Variants in SIAH1 observed in about 807,000 individuals in gnomAD.
SIAH1 encodes E3 ubiquitin-protein ligase SIAH1.
Under a neutral mutation model 20.0 loss-of-function variants are expected in SIAH1, and 2 were observed. The observed-to-expected ratio is 0.10, with a 90% CI of 0.04 to 0.31. SIAH1 has a LOEUF of 0.31. Among genes scored for constraint, SIAH1 ranks in the 10% least tolerant of loss-of-function variants. SIAH1 has a pLI of 1.00. For synonymous variants in SIAH1, 118 were observed against 125.3 expected (o/e 0.94, Z 0.39); for missense variants, 119 against 355.3 (o/e 0.33, Z 5.35).
Position 48,361,016 on chromosome 16 carries a change from A to G in SIAH1, c.*564T>C, listed in dbSNP as rs1960562601. 1 of 152,422 alleles carries G rather than the reference A, an allele frequency of 6.6e-6. No individual in the cohort carries two copies. The allele number at this position is 152,422 out of a possible 1,614,324, so 9.4% of individuals were successfully genotyped here. On this transcript the variant is annotated 3_prime_UTR_variant, in exon 2 of 2. Transcript: ENST00000394725. ...ACAAATATGCATATCAAAAGATACT[A>G]ACTTTAAAATGGTACAAAAAAAGGA...
At chr16:48,383,631 C>T (rs953277789) in intron 1 of SIAH1, among the ~76,000 whole-genome samples, 1 of 152,142 alleles carries the variant, frequency 6.6e-6, no homozygotes, top group African/African-American at 2.4e-5. Context: ...TAAGAGAAGA[C>T]CTCATTTTAA....
intron 1 of SIAH1, among the ~76,000 whole-genome samples, chr16:48,382,702 A>C (rs1961330460): frequency 6.6e-6 from 1 of 152,226 alleles, no homozygotes; most frequent in Admixed American, 6.5e-5. Flanking sequence ...TACAAAAAAT[A>C]TCTAGATTTT....
chr16:48,365,246 C>A (rs1207342623), intron 1 of SIAH1: 7 of 825,912 alleles, frequency 8.5e-6, no homozygotes, highest in African/African-American at 1.7e-5. Flanking sequence ...GAAAAAAGAA[C>A]AGCAGCCCAA....
At chr16:48,386,243 A>C (rs1961463106), upstream of SIAH1, among the ~76,000 whole-genome samples, 1 of 152,248 alleles carries the variant, frequency 6.6e-6, no homozygotes, top group Non-Finnish European at 1.5e-5. Context: ...GCGGTGGCTC[A>C]CGCCTGTAAT....
chr16:48,373,021 C>T (rs1008467194), intron 1 of SIAH1, among the ~76,000 whole-genome samples: 2 of 152,152 alleles, frequency 1.3e-5, no homozygotes, highest in East Asian at 1.9e-4. Context: ...CTCAGTCACT[C>T]CTCAGCTTCC....
At chr16:48,375,908 A>G (rs2151052304) in intron 1 of SIAH1, among the ~76,000 whole-genome samples, 1 of 152,346 alleles carries the variant, frequency 6.6e-6, no homozygotes, top group Middle Eastern at 3.4e-3. Flanking sequence ...TAGAAACCAG[A>G]GAGAGATGGG....
intron 1 of SIAH1, chr16:48,363,122 T>G (rs546987380): frequency 6.0e-6 from 1 of 167,264 alleles, no homozygotes; most frequent in South Asian, 2.1e-4. Context: ...GGTTTTGGTA[T>G]GGAGAAGGGG....
chr16:48,362,542 A>T lies in SIAH1; in HGVS notation c.-2-112T>A. 9.4e-7 allele frequency: 1 copy of T among 1,061,846 alleles called. No homozygotes were observed. Among genetic ancestry groups the T allele is most frequent in the Non-Finnish European group, 1.4e-6 (1 of 732,524 alleles). The allele number at this position is 1,061,846 out of a possible 1,614,324, so 65.8% of individuals were successfully genotyped here. On this transcript the variant is annotated intron_variant, in intron 1 of 1. Coordinates refer to ENST00000394725, the MANE Select transcript of SIAH1 (RefSeq NM_003031.4). The surrounding 1 kb of genome is among the most constrained non-coding windows in gnomAD (Gnocchi z 4.2). ...TTAAAGTTTCATACAAAATTTACTG[A>T]GCAAAAGAGGAAGAAAAATAGGATT...
rs747418898 is a variant in SIAH1 at position 48,365,891 on chromosome 16, A to AGCCT, written c.-2-3465_-2-3462dup. The AGCCT allele has an allele frequency of 5.7e-6, 7 of 1,234,580 alleles. No homozygotes were observed. In the Admixed American group the frequency reaches 1.2e-4, roughly 21 times the overall value. 76.5% of individuals were successfully genotyped at this position (1,234,580 alleles called of 1,614,324 possible). ...GAGCCAGCTCAAGAGTTACTGCAGG[A>AGCCT]GCCTGCCTGCCGGGAGAGCCATTTG... On this transcript the variant is annotated intron_variant, in intron 1 of 1. Transcript: ENST00000394725.
chr16:48,372,295 T>C (rs938883590), intron 1 of SIAH1, among the ~76,000 whole-genome samples: 8 of 152,198 alleles, frequency 5.3e-5, no homozygotes, highest in African/African-American at 1.4e-4. Context: ...AGTTACAATC[T>C]ATGTTGACAT....
chr16:48,385,628 C>T (rs1961443109), upstream of SIAH1, among the ~76,000 whole-genome samples: 3 of 152,160 alleles, frequency 2.0e-5, no homozygotes, highest in South Asian at 6.2e-4. Flanking sequence ...CGTTGCTGCG[C>T]CCGTGCACCG....
At chr16:48,381,391 T>A (rs1219899462) in intron 1 of SIAH1, among the ~76,000 whole-genome samples, 1 of 152,134 alleles carries the variant, frequency 6.6e-6, no homozygotes, top group Non-Finnish European at 1.5e-5. Context: ...GATCCAGCAA[T>A]CACATTCCTT....
chr16:48,370,959 C>G (rs1960970279), intron 1 of SIAH1, among the ~76,000 whole-genome samples: 1 of 151,706 alleles, frequency 6.6e-6, no homozygotes, highest in African/African-American at 2.4e-5. Context: ...ACTAAAAATA[C>G]AAAAATTAGC....
rs1209511881 is a variant in SIAH1, at chr16:48,362,700, T to C, written c.-2-270A>G. 4 of 333,118 alleles carry C rather than the reference T, an allele frequency of 1.2e-5. No homozygotes were observed. In the South Asian group the frequency reaches 1.2e-4, roughly 10 times the overall value. 20.6% of individuals were successfully genotyped at this position (333,118 alleles called of 1,614,324 possible). On this transcript the variant is annotated intron_variant, in intron 1 of 1. Coordinates refer to ENST00000394725, the MANE Select transcript of SIAH1 (RefSeq NM_003031.4). This position sits in a 1 kb window ranked among gnomAD's most constrained non-coding sequence, Gnocchi z 4.2. ...CTTAATCGTCTTTGGATAGACTACA[T>C]AGAATAATAAATGCTAAAATAGAAA...
intron 1 of SIAH1, among the ~76,000 whole-genome samples, chr16:48,376,064 GTCAGA>G (rs764367325): frequency 1.4e-4 from 21 of 152,260 alleles, no homozygotes; most frequent in African/African-American, 4.8e-4. Context: ...AAGAATTTAG[GTCAGA>G]TCAAAGAAAC....
At position 48,361,912 on chromosome 16, in the gene SIAH1, G is replaced by A; in HGVS notation, c.517C>T (p.Pro173Ser). ...IVFLATDINL[P>S]GAVDWVMMQS... Reference sequence around the variant, plus strand: ...ATCATCACCCAGTCAACAGCACCAGGAAGATTAATGTCTGTAGCAAGAAAA... The same window carrying A: ...ATCATCACCCAGTCAACAGCACCAGAAAGATTAATGTCTGTAGCAAGAAAA... The change falls in exon 2 of 2, where the codon CCT (proline) becomes TCT (serine). Residue 173 changes from proline to serine, a missense_variant. Around this residue, in one of 2 missense-constraint regions of SIAH1, gnomAD observed 84 missense variants for 307.8 expected, o/e 0.27. Transcript: ENST00000394725. 1 of 1,614,134 alleles carries A rather than the reference G, an allele frequency of 6.2e-7. No individual in the cohort carries two copies. The highest frequency in any genetic ancestry group is 2.2e-5 in the East Asian group (1 of 44,888).
At chr16:48,377,081 C>T (rs889332835) in intron 1 of SIAH1, among the ~76,000 whole-genome samples, 1 of 152,156 alleles carries the variant, frequency 6.6e-6, no homozygotes, top group African/African-American at 2.4e-5. Flanking sequence ...ATACCAAGTA[C>T]GCTGAAATAT....
intron 1 of SIAH1, among the ~76,000 whole-genome samples, chr16:48,370,849 C>T (rs1960966868): frequency 1.3e-5 from 2 of 150,916 alleles, no homozygotes; most frequent in Admixed American, 6.6e-5. Flanking sequence ...TGGTGACTCA[C>T]ACCTGTAATC....
intron 1 of SIAH1, among the ~76,000 whole-genome samples, chr16:48,383,997 T>C (rs1236969987): frequency 6.6e-6 from 1 of 152,222 alleles, no homozygotes; most frequent in Non-Finnish European, 1.5e-5. Flanking sequence ...GGGCTTGAGG[T>C]AGATACTGTC....
Sources: allele counts gnomAD v4.1 joint callset (sites outside exome capture counted in the v4.1 genomes callset), GRCh38; gene constraint gnomAD v4.1.1; regional missense constraint gnomAD v4.1.1; non-coding constraint Gnocchi (gnomAD v3.1); transcripts MANE v1.5; gene names NCBI Gene and HGNC (gene_info 2026-07-23, HGNC 2026-07-21).